The following GLIS3 variants were observed in gnomAD, a reference collection of about 807,000 sequenced individuals.
The protein encoded by GLIS3 is GLIS family zinc finger 3, also known as zinc finger protein GLIS3.
A neutral mutation model predicts 78.6 loss-of-function variants in GLIS3; 53 were observed. The ratio of observed to expected loss-of-function variants is 0.67; its 90% CI spans 0.54 to 0.85. The LOEUF is 0.85. GLIS3 is among the 40% of genes least tolerant of loss of function. GLIS3 has a pLI of 0.00. For synonymous variants in GLIS3, 684 were observed against 509.9 expected, an observed-to-expected ratio of 1.34 and a Z score of -4.60; for missense variants, 1,703 against 1,231.1, an observed-to-expected ratio of 1.38 and a Z score of -5.74.
At chr9:4,121,860 CAAT>C (rs1392286890) in intron 3 of GLIS3, among the ~76,000 whole-genome samples, 1 of 152,160 alleles carries the variant, frequency 6.6e-6, no homozygotes, top group African/African-American at 2.4e-5. Flanking sequence ...GTTCTTCCTG[CAAT>C]AATATGTTGA....
At chr9:4,351,428 G>A (rs1293847890), upstream of GLIS3, among the ~76,000 whole-genome samples, 1 of 146,464 alleles carries the variant, frequency 6.8e-6, no homozygotes, top group Non-Finnish European at 1.5e-5. Context: ...AGGGTGAGGA[G>A]AAATCTTTTA....
At chr9:4,097,950 C>T (rs533043954) in intron 4 of GLIS3, among the ~76,000 whole-genome samples, 4 of 152,212 alleles carry the variant, frequency 2.6e-5, no homozygotes, top group Admixed American at 6.5e-5. Context: ...TCTGTTCCAT[C>T]GGTCTATTTT....
intron 4 of GLIS3, among the ~76,000 whole-genome samples, chr9:3,960,546 T>C (rs560271823): frequency 1.3e-5 from 2 of 152,368 alleles, no homozygotes; most frequent in South Asian, 4.1e-4. Flanking sequence ...GCTTTGTTCA[T>C]CATTCTTTGA....
chr9:4,163,711 G>C (rs1313194153), intron 2 of GLIS3, among the ~76,000 whole-genome samples: 2 of 152,206 alleles, frequency 1.3e-5, no homozygotes, highest in African/African-American at 2.4e-5. Flanking sequence ...GGTAATAAAA[G>C]CATCAGCCAC....
At chr9:4,150,315 C>G (rs992835757) in intron 2 of GLIS3, among the ~76,000 whole-genome samples, 1 of 152,188 alleles carries the variant, frequency 6.6e-6, no homozygotes, top group African/African-American at 2.4e-5. Context: ...ACTGACTGTC[C>G]TCTGCTTTTA....
At chr9:3,885,661 T>TGAAAA (rs1822027927) in intron 7 of GLIS3, among the ~76,000 whole-genome samples, 1 of 152,306 alleles carries the variant, frequency 6.6e-6, no homozygotes, top group East Asian at 1.9e-4. Flanking sequence ...ACAGGGACAC[T>TGAAAA]GAAAAGAATG....
intron 2 of GLIS3, among the ~76,000 whole-genome samples, chr9:4,178,937 T>C (rs1221945708): frequency 6.6e-6 from 1 of 152,232 alleles, no homozygotes; most frequent in Non-Finnish European, 1.5e-5. Context: ...TATTTTACAG[T>C]TTCTACTAAC....
chr9:4,196,876 T>C (rs1438284769), intron 2 of GLIS3, among the ~76,000 whole-genome samples: 1 of 152,148 alleles, frequency 6.6e-6, no homozygotes, highest in African/African-American at 2.4e-5. Context: ...TCTGCATGTG[T>C]CCTTGCTGAG....
intron 2 of GLIS3, among the ~76,000 whole-genome samples, chr9:4,134,416 GC>G (rs1833237622): frequency 6.6e-6 from 1 of 152,106 alleles, no homozygotes; most frequent in South Asian, 2.1e-4. Flanking sequence ...TTTTTATTTT[GC>G]ATGGGAAATG....
intron 2 of GLIS3, among the ~76,000 whole-genome samples, chr9:4,230,480 A>G (rs1822158833): frequency 1.3e-5 from 2 of 152,134 alleles, no homozygotes; most frequent in African/African-American, 4.8e-5. Context: ...TGTAAAAGAA[A>G]GCGATAGAAA....
the GLIS3 span, among the ~76,000 whole-genome samples, chr9:4,427,666 C>A: frequency 1.3e-5 from 2 of 152,022 alleles, no homozygotes; most frequent in Admixed American, 1.3e-4. Context: ...TGAGACCAAC[C>A]AGGTCAACAT....
chr9:4,458,629 A>C, the GLIS3 span, among the ~76,000 whole-genome samples: 463 of 152,200 alleles, frequency 3.0e-3, 2 homozygotes, highest in African/African-American at 0.011. Flanking sequence ...CTCTACTAAA[A>C]TTACAAAAAT....
chr9:4,103,967 G>T (rs1830566999), intron 4 of GLIS3, among the ~76,000 whole-genome samples: 1 of 152,082 alleles, frequency 6.6e-6, no homozygotes, highest in African/African-American at 2.4e-5. Context: ...ACAGTGTTTG[G>T]TAAACAGAAA....
At chr9:4,020,993 A>G (rs1458957996) in intron 4 of GLIS3, among the ~76,000 whole-genome samples, 1 of 152,240 alleles carries the variant, frequency 6.6e-6, no homozygotes, top group Non-Finnish European at 1.5e-5. Flanking sequence ...GGGATTGAAA[A>G]AGACACAGTT....
chr9:4,238,322 G>T (rs1166776339), intron 2 of GLIS3, among the ~76,000 whole-genome samples: 1 of 152,128 alleles, frequency 6.6e-6, no homozygotes, highest in Admixed American at 6.6e-5. Context: ...GACACAGAAG[G>T]AGAGGGAATT....
At chr9:4,360,543 A>T in the GLIS3 span, among the ~76,000 whole-genome samples, 2 of 152,290 alleles carry the variant, frequency 1.3e-5, no homozygotes, top group South Asian at 4.2e-4. Context: ...TTTTCCGAGG[A>T]TTATCTCATT....
intron 4 of GLIS3, among the ~76,000 whole-genome samples, chr9:3,965,193 C>CTTTTTTTTTTTTTTTTTTTT (rs34951383): frequency 4.0e-5 from 4 of 100,152 alleles, no homozygotes; most frequent in Admixed American, 1.3e-4. Flanking sequence ...CTTTTCTTTT[C>CTTTTTTTTTTTTTTTTTTTT]TTTTTTTTTT....
chr9:4,391,254 C>G, the GLIS3 span, among the ~76,000 whole-genome samples: 1 of 152,162 alleles, frequency 6.6e-6, no homozygotes, highest in Non-Finnish European at 1.5e-5. Flanking sequence ...GGTACCTCAC[C>G]TCCAGAAGAG....
chr9:3,846,642 A>C (rs1819062282), intron 9 of GLIS3, among the ~76,000 whole-genome samples: 1 of 152,134 alleles, frequency 6.6e-6, no homozygotes, highest in Non-Finnish European at 1.5e-5. Context: ...ATGTTTTCTT[A>C]AGCAAAGGAC....
Sources: allele counts gnomAD v4.1 joint callset (sites outside exome capture counted in the v4.1 genomes callset), GRCh38; gene constraint gnomAD v4.1.1; transcripts MANE v1.5; gene names NCBI Gene and HGNC (gene_info 2026-07-23, HGNC 2026-07-21).